Variants in DNAH1 observed in about 807,000 individuals in gnomAD.
DNAH1 encodes the protein axonemal beta dynein heavy chain 1.
Under a neutral mutation model 484.3 loss-of-function variants are expected in DNAH1, and 327 were observed. That is an observed-to-expected ratio of 0.68 (90% confidence interval 0.62 to 0.74). The LOEUF is 0.74. Ranked by LOEUF, DNAH1 falls within the 30% of genes least tolerant of loss-of-function variation. The probability of loss-of-function intolerance (pLI) is 0.00; values close to 1 mark genes in which losing one functional copy is unlikely to be tolerated. For missense variants in DNAH1, 5,052 were observed against 5,546.8 expected (o/e 0.91, Z 2.83); for synonymous variants, 2,192 against 2,191.9 (o/e 1.00, Z 0.00).
intron 44 of DNAH1, 81 bp downstream of exon 44, chr3:52,373,134 A>G: frequency 6.9e-7 from 1 of 1,443,778 alleles, no homozygotes; most frequent in Non-Finnish European, 9.1e-7. Context: ...CTGAAGGCCT[A>G]CAATACTTTA....
In DNAH1 at chr3:52,395,792, G is replaced by T; in HGVS notation, c.11259+114G>T. 6.9e-7 allele frequency: 1 copy of T among 1,450,920 alleles called. No homozygotes were observed. Among genetic ancestry groups the T allele is most frequent in the Non-Finnish European group, 9.3e-7 (1 of 1,074,238 alleles). The allele number at this position is 1,450,920 out of a possible 1,614,324, so 89.9% of individuals were successfully genotyped here. On this transcript the variant is annotated intron_variant, in intron 70 of 77. Transcript: ENST00000420323. This position sits in a 1 kb window ranked among gnomAD's most constrained non-coding sequence, Gnocchi z 4.4. ...GCACTCTGCCCAGCCTCTAGCACGT[G>T]GCAAGTGCTCAGCAACTGACATGTG...
chr3:52,370,494 C>G lies in DNAH1; in HGVS notation c.6276C>G (p.Pro2092=), dbSNP rs376133388. 2 of 1,613,988 alleles carry G rather than the reference C, an allele frequency of 1.2e-6. No homozygotes were observed. Among genetic ancestry groups the G allele is most frequent in the Admixed American group, 1.7e-5 (1 of 60,024 alleles). ...FLPREGLKKI[P]SEKLSRIVEL... Reference sequence around the variant, plus strand: ...ATCCCCAGGGCCTCAAGAAAATACCCTCTGAAAAGCTGAGTCGCATCGTAG... The same window carrying G: ...ATCCCCAGGGCCTCAAGAAAATACCGTCTGAAAAGCTGAGTCGCATCGTAG... The change falls in exon 40 of 78, where the codon CCC becomes CCG. Residue 2092 remains proline, a synonymous_variant. Coordinates refer to ENST00000420323, the MANE Select transcript of DNAH1 (RefSeq NM_015512.5).
At position 52,369,962 on chromosome 3, in the gene DNAH1, TC is replaced by T; in HGVS notation, c.6084del (p.Leu2029CysfsTer2). 2 of 1,613,958 alleles carry T rather than the reference TC, an allele frequency of 1.2e-6. No homozygotes were observed. The highest frequency in any genetic ancestry group is 1.7e-6 in the Non-Finnish European group (2 of 1,179,888). The stretch of plus-strand genomic sequence containing the variant: ...TCGAGTGCTGGCTGAGGAAGCTGCC[TC>T]CCTTGCTGAAGCCCTATGAGGAGCA... ...FIECWLRKLP[P>X]LLKPYEEHFK... On this transcript the variant is annotated frameshift_variant, in exon 38 of 78. Transcript: ENST00000420323. LOFTEE classifies it high-confidence loss of function.
intron 57 of DNAH1, 21 bp downstream of exon 57, chr3:52,388,355 G>A: frequency 1.2e-6 from 2 of 1,600,316 alleles, no homozygotes; most frequent in Non-Finnish European, 1.7e-6. Flanking sequence ...AGTGGAGCTG[G>A]TGGGGGAGGG....
chr3:52,321,913 T>C (rs542333631), intron 1 of DNAH1, among the ~76,000 whole-genome samples: 3 of 152,068 alleles, frequency 2.0e-5, no homozygotes, highest in African/African-American at 4.8e-5. Flanking sequence ...TCACAGGTGC[T>C]AGGGAGGCTC....
At chr3:52,317,835 C>T (rs982734726) in intron 1 of DNAH1, 16 of 152,346 alleles carry the variant, frequency 1.1e-4, no homozygotes, top group African/African-American at 3.8e-4. Flanking sequence ...GGCCCCGCCC[C>T]TTAGCAACGG....
Position 52,345,651 on chromosome 3 carries a change from C to G in DNAH1, c.1601C>G (p.Ser534Cys). 6.2e-7 allele frequency: 1 copy of G among 1,612,930 alleles called. No homozygotes were observed. Among genetic ancestry groups the G allele is most frequent in the Non-Finnish European group, 8.5e-7 (1 of 1,179,444 alleles). Residue 534 changes from serine to cysteine, a missense_variant, in exon 10 of 78, where the codon TCC becomes TGC. Transcript: ENST00000420323. ...TAMSLFHSSL[S>C]KYSHLEEFEQ... ...ATGTCCCTGTTCCACTCGAGCCTCT[C>G]CAAGTACAGCCACCTGGAGGAATTT...
intron 23 of DNAH1, 61 bp downstream of exon 23, chr3:52,357,796 G>A: frequency 6.4e-7 from 1 of 1,573,874 alleles, no homozygotes; most frequent in Non-Finnish European, 8.6e-7. Context: ...GAGGTGTCCA[G>A]GGCCCTGCTC....
At chr3:52,311,524 G>A (rs539527978), upstream of DNAH1, among the ~76,000 whole-genome samples, 1 of 152,264 alleles carries the variant, frequency 6.6e-6, no homozygotes, top group South Asian at 2.1e-4. Context: ...CAGGAGAGGA[G>A]ACTGCAGGGG....
rs61733865 is a variant in DNAH1, at chr3:52,391,220, C to T, written c.9783C>T (p.Arg3261=). 3.6e-3 allele frequency: 5,762 copies of T among 1,613,892 alleles called. 175 individuals are homozygous for T. The African/African-American group carries it at 0.067, about 19-fold the overall frequency. Reference sequence around the variant, plus strand: ...TGGATGTGTTCAAGTTGAGTGACCGCGACTTCCTGCGCAGCATGGAGAACG... The same window carrying T: ...TGGATGTGTTCAAGTTGAGTGACCGTGACTTCCTGCGCAGCATGGAGAACG... ...NGLDVFKLSD[R]DFLRSMENAI... Residue 3261 remains arginine (R), a synonymous_variant, in exon 62 of 78, where the codon CGC becomes CGT. Coordinates refer to ENST00000420323, the MANE Select transcript of DNAH1 (RefSeq NM_015512.5).
At chr3:52,317,400 G>A (rs1044029212) in intron 1 of DNAH1, among the ~76,000 whole-genome samples, 3 of 152,140 alleles carry the variant, frequency 2.0e-5, no homozygotes, top group East Asian at 1.9e-4. Flanking sequence ...CAATGGGTGG[G>A]TGTGGCTTTG....
At chr3:52,326,099 G>A (rs1319765574) in intron 3 of DNAH1, 41 bp from the exon 4 acceptor site, 1 of 1,490,696 alleles carries the variant, frequency 6.7e-7, no homozygotes, top group South Asian at 1.4e-5. Context: ...TTTGGGTGCT[G>A]GCCTGAGCCC....
rs1578131253 is a variant in DNAH1 at position 52,355,564 on chromosome 3, C to G, written c.3693+509C>G. ...CAAGGCTAGAGGCAAGGGCTGCCCA[C>G]AGAGCCCTGGAGGGCAGTCCCGGGG... On this transcript the variant is annotated intron_variant, in intron 21 of 77. Coordinates refer to ENST00000420323, the MANE Select transcript of DNAH1 (RefSeq NM_015512.5). This position sits in a 1 kb window ranked among gnomAD's most constrained non-coding sequence, Gnocchi z 4.5. Among the ~76,000 whole-genome samples, 1 of 152,252 alleles carries G rather than the reference C, an allele frequency of 6.6e-6. No individual in the cohort carries two copies. Among genetic ancestry groups the G allele is most frequent in the Non-Finnish European group, 1.5e-5 (1 of 68,046 alleles).
intron 15 of DNAH1, 142 bp from the exon 16 acceptor site, chr3:52,350,366 C>G (rs1578120674): frequency 2.1e-6 from 2 of 938,268 alleles, no homozygotes; most frequent in Non-Finnish European, 3.3e-6. Flanking sequence ...CCCTTGCACC[C>G]TGGGCCTCCT....
At chr3:52,380,717 G>T (rs1216738843) in intron 48 of DNAH1, among the ~76,000 whole-genome samples, 1 of 152,208 alleles carries the variant, frequency 6.6e-6, no homozygotes, top group Non-Finnish European at 1.5e-5. Context: ...AACAGGGTAT[G>T]CTGTGGCAGG....
chr3:52,326,731 C>A lies in DNAH1; in HGVS notation c.582-4C>A. The A allele has an allele frequency of 6.2e-7, 1 of 1,603,380 alleles. No individual in the cohort carries two copies. The highest frequency in any genetic ancestry group is 8.5e-7 in the Non-Finnish European group (1 of 1,172,740). On this transcript the variant is annotated splice_polypyrimidine_tract_variant and splice_region_variant and intron_variant, in intron 4 of 77. Transcript: ENST00000420323. ...CCTGAGGTCCCCTCCCTGCCCTTGA[C>A]CAGGAGGAAACAGCAGTACCTGAGC... is the stretch of plus-strand genomic sequence containing the variant.
At chr3:52,387,060 A>G (rs923048853) in intron 56 of DNAH1, among the ~76,000 whole-genome samples, 25 of 152,198 alleles carry the variant, frequency 1.6e-4, no homozygotes. Context: ...CCTGGCCCCA[A>G]GGGGTTCTCA....
chr3:52,356,898 T>C, intron 22 of DNAH1, 120 bp downstream of exon 22: 1 of 1,286,830 alleles, frequency 7.8e-7, no homozygotes, highest in Non-Finnish European at 1.1e-6. Context: ...AGCCTGAGGA[T>C]TTGATCTTGA....
Position 52,361,028 on chromosome 3 carries a change from C to G in DNAH1, c.4686-136C>G, listed in dbSNP as rs1702833820. ...GTGTCCACAGGCTCCAGTCCTGACC[C>G]CGGAGCCAGGGCTGGGCACACCCCA... On this transcript the variant is annotated intron_variant, in intron 28 of 77. Transcript: ENST00000420323. The surrounding 1 kb of genome is among the most constrained non-coding windows in gnomAD (Gnocchi z 5.6). 2 of 819,194 alleles carry G rather than the reference C, an allele frequency of 2.4e-6. No homozygotes were observed. Among genetic ancestry groups the G allele is most frequent in the African/African-American group, 3.6e-5 (2 of 56,104 alleles). The allele number at this position is 819,194 out of a possible 1,614,324, so 50.7% of individuals were successfully genotyped here. A position where few individuals can be genotyped will look rare whatever the true frequency, so the allele number is the denominator to read the frequency against.
Sources: allele counts gnomAD v4.1 joint callset (sites outside exome capture counted in the v4.1 genomes callset), GRCh38; gene constraint gnomAD v4.1.1; non-coding constraint Gnocchi (gnomAD v3.1); transcripts MANE v1.5; gene names NCBI Gene and HGNC (gene_info 2026-07-23, HGNC 2026-07-21).